The following CYP4F2 variants were observed in gnomAD, a reference collection of about 807,000 sequenced individuals.
CYP4F2 encodes the protein cytochrome P450 4F2.
A neutral mutation model predicts 58.9 loss-of-function variants in CYP4F2; 58 were observed. That is an observed-to-expected ratio of 0.98 (90% CI 0.80 to 1.23). The LOEUF (loss-of-function observed/expected upper bound fraction) is 1.23, where lower values mean the gene tolerates loss of function less well. Among genes scored for constraint, CYP4F2 ranks in the 50% most tolerant of loss-of-function variants. CYP4F2 has a pLI of 0.00. For missense variants in CYP4F2, 616 were observed against 685.6 expected, an observed-to-expected ratio of 0.90 and a Z score of 1.13; for synonymous variants, 287 against 261.1, an observed-to-expected ratio of 1.10 and a Z score of -0.95.
At position 15,897,617 on chromosome 19, in the gene CYP4F2, A is replaced by G; in HGVS notation, c.-1-5T>C. On this transcript the variant is annotated splice_region_variant and splice_polypyrimidine_tract_variant and intron_variant, in intron 1 of 12. Transcript: ENST00000221700. ...GACAGGCTCAGCTGGGACATCCTGC[A>G]GGGCAGACGGGATGGACGGTGAGAT... The G allele has an allele frequency of 1.2e-6, 2 of 1,613,340 alleles. No individual in the cohort carries two copies. The highest frequency in any genetic ancestry group is 1.7e-6 in the Non-Finnish European group (2 of 1,179,828).
intron 3 of CYP4F2, chr19:15,893,725 T>C (rs1057445877): frequency 3.2e-5 from 7 of 217,080 alleles, no homozygotes; most frequent in Non-Finnish European, 6.3e-5. Flanking sequence ...GCTTGGCCAG[T>C]GCGATGTCTA....
Position 15,886,171 on chromosome 19 carries a change from G to C in CYP4F2, c.985+71C>G. ...GGGAAGGGGGATGGGAAGGTTGTGG[G>C]GGTCTACCCACCCTGTTCCTGGAAG... On this transcript the variant is annotated intron_variant, in intron 8 of 12. Transcript: ENST00000221700. 3 of 1,610,430 alleles carry C rather than the reference G, an allele frequency of 1.9e-6. No individual in the cohort carries two copies. The South Asian group carries it at 3.3e-5, about 18-fold the overall frequency.
At chr19:15,897,697 C>G in intron 1 of CYP4F2, 85 bp from the exon 2 acceptor site, 2 of 1,509,048 alleles carry the variant, frequency 1.3e-6, no homozygotes, top group African/African-American at 1.4e-5. Flanking sequence ...GAGGCAGGGA[C>G]GGGCAGTGCC....
intron 3 of CYP4F2, among the ~76,000 whole-genome samples, chr19:15,893,146 T>C (rs891322414): frequency 1.3e-5 from 2 of 152,166 alleles, no homozygotes; most frequent in South Asian, 2.1e-4. Context: ...AATATAAATA[T>C]GGTACCTTTA....
intron 9 of CYP4F2, among the ~76,000 whole-genome samples, chr19:15,885,177 T>C (rs1217141311): frequency 6.6e-6 from 1 of 151,736 alleles, no homozygotes; most frequent in African/African-American, 2.4e-5. Context: ...GGCAGTCTTC[T>C]TGACCTAGAG....
rs1210237107 is a variant in CYP4F2, at chr19:15,894,879, C to CA, written c.343+626dup. ...AGGAGAGCAACGAACTTAGGGCAGACAAGCTATAGGATGGGGTAAAGGGAA... is the reference window on the plus strand; with the variant it reads ...AGGAGAGCAACGAACTTAGGGCAGACAAAGCTATAGGATGGGGTAAAGGGAA... On this transcript the variant is annotated intron_variant, in intron 3 of 12. Coordinates refer to ENST00000221700, the MANE Select transcript of CYP4F2 (RefSeq NM_001082.5). Among the ~76,000 whole-genome samples, 3 of 152,140 alleles carry CA rather than the reference C, an allele frequency of 2.0e-5. No individual in the cohort carries two copies. The East Asian group carries it at 5.8e-4, about 29-fold the overall frequency.
chr19:15,879,420 G>A lies in CYP4F2; in HGVS notation c.1323C>T (p.Asp441=), dbSNP rs150801261. The A allele has an allele frequency of 1.3e-4, 211 of 1,614,178 alleles. 1 individual carries two copies. In the African/African-American group the frequency reaches 2.2e-3, roughly 17 times the overall value. ...TGTTCTCTGGGTCAAAGCGAAAGGGGTCGTAGACCTGGAGGTGAGACCAAG... is the reference window on the plus strand; with the variant it reads ...TGTTCTCTGGGTCAAAGCGAAAGGGATCGTAGACCTGGAGGTGAGACCAAG... ...PAVWPDPEVY[D]PFRFDPENIK... The change falls in exon 12 of 13, where the codon GAC becomes GAT. Residue 441 remains aspartate, a synonymous_variant. Transcript: ENST00000221700.
intron 9 of CYP4F2, among the ~76,000 whole-genome samples, chr19:15,880,107 G>T (rs1481364147): frequency 6.6e-6 from 1 of 152,156 alleles, no homozygotes; most frequent in Non-Finnish European, 1.5e-5. Flanking sequence ...CTCAGAAAAA[G>T]ACATGAGAAT....
At chr19:15,895,423 A>G in intron 3 of CYP4F2, 83 bp downstream of exon 3, 1 of 1,422,188 alleles carries the variant, frequency 7.0e-7, no homozygotes, top group Non-Finnish European at 9.2e-7. Context: ...AGGCCAGAGT[A>G]CTGCAGGGCC....
At chr19:15,886,157 T>C in intron 8 of CYP4F2, 85 bp downstream of exon 8, 1 of 1,607,744 alleles carries the variant, frequency 6.2e-7, no homozygotes, top group Non-Finnish European at 8.5e-7. Context: ...GGAAGGGGGA[T>C]GGGAAGGTTG....
chr19:15,889,465 T>C lies in CYP4F2; in HGVS notation c.876A>G (p.Lys292=). The change falls in exon 7 of 13, where the codon AAA becomes AAG. Residue 292 remains lysine, a synonymous_variant. Transcript: ENST00000221700. ...CATCAATGAAGTCCAAAGTCTTGGATTTGGCCTTGGCTTGGAGGAAGTCAT... is the reference window on the plus strand; with the variant it reads ...CATCAATGAAGTCCAAAGTCTTGGACTTGGCCTTGGCTTGGAGGAAGTCAT... ...GVDDFLQAKA[K]SKTLDFIDVL... The C allele has an allele frequency of 6.2e-7, 1 of 1,614,120 alleles. No homozygotes were observed. Among genetic ancestry groups the C allele is most frequent in the South Asian group, 1.1e-5 (1 of 91,072 alleles).
intron 5 of CYP4F2, among the ~76,000 whole-genome samples, chr19:15,891,754 G>C (rs2089417740): frequency 1.3e-5 from 2 of 152,120 alleles, no homozygotes; most frequent in Non-Finnish European, 2.9e-5. Context: ...TCATAGGGAG[G>C]AACATCCAGG....
rs781119638 is a variant in CYP4F2, at chr19:15,878,890, G to C, written c.1444C>G (p.Leu482Val). 1 of 1,613,954 alleles carries C rather than the reference G, an allele frequency of 6.2e-7. No homozygotes were observed. Among genetic ancestry groups the C allele is most frequent in the Non-Finnish European group, 8.5e-7 (1 of 1,180,016 alleles). ...TFAMAEMKVVLALTLLRFRVL... is the reference protein window; with the variant it reads ...TFAMAEMKVVVALTLLRFRVL... The stretch of plus-strand genomic sequence containing the variant: ...CGGAAGCGCAGCAGCGTGAGCGCCA[G>C]GACCACCTTCATCTCCGCCATCGCG... Residue 482 changes from leucine to valine, a missense_variant, in exon 13 of 13, where the codon CTG (leucine) becomes GTG (valine). Leu to Val is a conservative substitution (Grantham distance 32, BLOSUM62 1). Transcript: ENST00000221700.
At position 15,892,268 on chromosome 19, in the gene CYP4F2, C is replaced by A. The variant is rs761968366; in HGVS notation, c.525+41G>T. The A allele has an allele frequency of 1.1e-5, 17 of 1,613,166 alleles. No homozygotes were observed. In the South Asian group the frequency reaches 1.9e-4, roughly 18 times the overall value. ...ACTAGATCTCTCTGTTGTCCTTTCA[C>A]CCCAAGGCTGCAAGTGGGACCTTGG... On this transcript the variant is annotated intron_variant, in intron 5 of 12. Transcript: ENST00000221700.
intron 9 of CYP4F2, among the ~76,000 whole-genome samples, chr19:15,883,740 C>G (rs1455052699): frequency 2.6e-5 from 4 of 151,868 alleles, no homozygotes; most frequent in Non-Finnish European, 5.9e-5. Context: ...TGGAATCAAC[C>G]TAAGTGCCCA....
intron 9 of CYP4F2, among the ~76,000 whole-genome samples, chr19:15,882,635 C>T (rs62104891): frequency 0.015 from 2,244 of 145,200 alleles, 45 homozygotes; most frequent in Non-Finnish European, 0.024. Flanking sequence ...TGTTCATTAC[C>T]TTGATTTAAT....
At chr19:15,897,849 T>C (rs1156440269) in intron 1 of CYP4F2, 177 bp downstream of exon 1, 7 of 455,886 alleles carry the variant, frequency 1.5e-5, no homozygotes, top group Non-Finnish European at 2.3e-5. Flanking sequence ...GAGAGACTGA[T>C]TAAAGTCCAG....
chr19:15,886,334 C>G (rs2145005811), intron 7 of CYP4F2, 26 bp from the exon 8 acceptor site: 1 of 1,597,792 alleles, frequency 6.3e-7, no homozygotes, highest in Non-Finnish European at 8.6e-7. Context: ...TAACCCCCCC[C>G]AACCCCCACC....
At position 15,879,233 on chromosome 19, in the gene CYP4F2, G is replaced by T. The variant is rs1380403756; in HGVS notation, c.1397+113C>A. On this transcript the variant is annotated intron_variant, in intron 12 of 12. Transcript: ENST00000221700. ...TTCCTATAAACTCCAGAGGAGGTGA[G>T]GGAAAGAGAGCTGGAACTTGGACCA... 2.8e-6 allele frequency: 4 copies of T among 1,433,622 alleles called. No homozygotes were observed. The African/African-American group carries it at 4.3e-5, about 15-fold the overall frequency. The allele number at this position is 1,433,622 out of a possible 1,614,324, so 88.8% of individuals were successfully genotyped here. A position where few individuals can be genotyped will look rare whatever the true frequency, so the allele number is the denominator to read the frequency against.
Sources: gnomAD v4.1 joint callset for allele counts (sites outside exome capture counted in the v4.1 genomes callset) on GRCh38, gnomAD v4.1.1 for gene constraint, MANE v1.5 for transcripts, NCBI Gene and HGNC (gene_info 2026-07-23, HGNC 2026-07-21) for gene names.